Variants in PEX14 observed in about 807,000 individuals in gnomAD.
PEX14 encodes the protein peroxisomal biogenesis factor 14.
A neutral mutation model predicts 49.5 loss-of-function variants in PEX14; 15 were observed. That is an observed-to-expected ratio of 0.30 (90% confidence interval 0.20 to 0.47). The LOEUF is 0.47. Among genes scored for constraint, PEX14 ranks in the 20% least tolerant of loss-of-function variants. The pLI, the probability that PEX14 is intolerant of heterozygous loss-of-function variation, is 1.00. For missense variants in PEX14, 398 were observed against 494.8 expected (o/e 0.80, Z 1.86); for synonymous variants, 210 against 212.7 (o/e 0.99, Z 0.11).
At chr1:10,501,602 CT>C (rs891468826) in intron 2 of PEX14, among the ~76,000 whole-genome samples, 2 of 151,982 alleles carry the variant, frequency 1.3e-5, no homozygotes, top group South Asian at 2.1e-4. Flanking sequence ...CGCCCTGCCC[CT>C]ATTAGTTTAT....
intron 2 of PEX14, chr1:10,535,940 G>A: frequency 2.3e-6 from 1 of 437,888 alleles, no homozygotes; most frequent in Non-Finnish European, 4.3e-6. Flanking sequence ...CAGCTCGAAT[G>A]GAGATCAGGA....
intron 5 of PEX14, among the ~76,000 whole-genome samples, chr1:10,619,605 G>A (rs1489819551): frequency 4.0e-5 from 6 of 151,576 alleles, no homozygotes; most frequent in Middle Eastern, 3.2e-3. Context: ...TTGAGCCACC[G>A]TGCCCGGCTG....
intron 3 of PEX14, among the ~76,000 whole-genome samples, chr1:10,576,957 G>A (rs950381379): frequency 2.0e-5 from 3 of 151,730 alleles, no homozygotes; most frequent in Admixed American, 2.0e-4. Context: ...CACCAGGCTG[G>A]TCTTTAACCC....
chr1:10,617,494 C>T (rs1641459577), intron 4 of PEX14, among the ~76,000 whole-genome samples: 2 of 152,158 alleles, frequency 1.3e-5, no homozygotes, highest in South Asian at 4.2e-4. Flanking sequence ...CCAGCCCCCA[C>T]TGTACCTGCG....
chr1:10,627,397 G>A (rs773597682), intron 8 of PEX14, 34 bp downstream of exon 8: 10 of 1,468,830 alleles, frequency 6.8e-6, no homozygotes, highest in Non-Finnish European at 8.6e-6. Context: ...TGTTCTGGTC[G>A]GGCCTGGAAA....
intron 2 of PEX14, among the ~76,000 whole-genome samples, chr1:10,509,767 C>T (rs2124433582): frequency 6.6e-6 from 1 of 152,212 alleles, no homozygotes; most frequent in South Asian, 2.1e-4. Flanking sequence ...CCTGCACAAA[C>T]CTCATTTTAT....
At chr1:10,582,853 C>T (rs561033515) in intron 3 of PEX14, among the ~76,000 whole-genome samples, 1 of 152,218 alleles carries the variant, frequency 6.6e-6, no homozygotes, top group South Asian at 2.1e-4. Context: ...GCCACCCCAG[C>T]CTCCTGAGTA....
intron 3 of PEX14, among the ~76,000 whole-genome samples, chr1:10,578,819 A>G (rs1014511365): frequency 6.6e-6 from 1 of 152,180 alleles, no homozygotes; most frequent in Non-Finnish European, 1.5e-5. Flanking sequence ...CAGATTGGGC[A>G]TAACAGAAGG....
intron 3 of PEX14, among the ~76,000 whole-genome samples, chr1:10,562,257 A>G (rs1639672528): frequency 6.6e-6 from 1 of 152,022 alleles, no homozygotes; most frequent in Non-Finnish European, 1.5e-5. Flanking sequence ...CCCCCAACAC[A>G]TGTGTATGTA....
chr1:10,590,743 C>G (rs575911958), intron 3 of PEX14, among the ~76,000 whole-genome samples: 12 of 152,140 alleles, frequency 7.9e-5, no homozygotes, highest in Non-Finnish European at 1.8e-4. Flanking sequence ...TAGGTGGTGA[C>G]AAAGTAATTT....
intron 4 of PEX14, among the ~76,000 whole-genome samples, chr1:10,608,475 A>G (rs969339365): frequency 2.0e-5 from 3 of 152,270 alleles, no homozygotes; most frequent in African/African-American, 7.2e-5. Context: ...CAGCCTGGCC[A>G]ACATGGTGAA....
chr1:10,623,124 A>G lies in PEX14; in HGVS notation c.487+3A>G. The G allele has an allele frequency of 6.2e-7, 1 of 1,602,830 alleles. No homozygotes were observed. Among genetic ancestry groups the G allele is most frequent in the South Asian group, 1.1e-5 (1 of 90,422 alleles). On this transcript the variant is annotated splice_donor_region_variant and intron_variant, in intron 6 of 8. Coordinates refer to ENST00000356607, the MANE Select transcript of PEX14 (RefSeq NM_004565.3). The surrounding 1 kb of genome is among the most constrained non-coding windows in gnomAD (Gnocchi z 4.4). ...GAGTGGCAGCGTGGCCCAGACAGGTAAAGATTAATGACTCCATCAAGTCAC... is the reference window on the plus strand; with the variant it reads ...GAGTGGCAGCGTGGCCCAGACAGGTGAAGATTAATGACTCCATCAAGTCAC...
chr1:10,496,203 G>A (rs1231149329), intron 2 of PEX14, among the ~76,000 whole-genome samples: 1 of 152,182 alleles, frequency 6.6e-6, no homozygotes, highest in Non-Finnish European at 1.5e-5. Flanking sequence ...GGCTGAGGGC[G>A]AGTTGGATCC....
chr1:10,625,031 A>G (rs1466948848), intron 7 of PEX14, among the ~76,000 whole-genome samples: 1 of 152,162 alleles, frequency 6.6e-6, no homozygotes, highest in African/African-American at 2.4e-5. Context: ...ATCAGGCTGA[A>G]TCCTGGTCCT....
intron 2 of PEX14, among the ~76,000 whole-genome samples, chr1:10,501,601 C>T (rs1570161485): frequency 6.6e-6 from 1 of 151,962 alleles, no homozygotes; most frequent in Admixed American, 6.5e-5. Context: ...GCGCCCTGCC[C>T]CTATTAGTTT....
chr1:10,583,667 T>TAAGTC (rs55964771), intron 3 of PEX14, among the ~76,000 whole-genome samples: 132,696 of 151,788 alleles, frequency 0.87, 58,424 homozygotes, highest in Middle Eastern at 0.95. Context: ...AATATAAACA[T>TAAGTC]GAGTAAGAGC....
intron 2 of PEX14, among the ~76,000 whole-genome samples, chr1:10,504,336 A>G (rs1258849494): frequency 6.6e-6 from 1 of 152,214 alleles, no homozygotes; most frequent in East Asian, 1.9e-4. Flanking sequence ...ACACTGAGTG[A>G]TTCTTGAAGT....
intron 1 of PEX14, among the ~76,000 whole-genome samples, chr1:10,488,093 T>A (rs1303312502): frequency 1.3e-5 from 2 of 152,188 alleles, no homozygotes; most frequent in East Asian, 1.9e-4. Flanking sequence ...TTACTTTTTT[T>A]ATTTACATAT....
At chr1:10,487,760 G>A (rs1641397180) in intron 1 of PEX14, among the ~76,000 whole-genome samples, 1 of 151,842 alleles carries the variant, frequency 6.6e-6, no homozygotes, top group African/African-American at 2.4e-5. Flanking sequence ...TGGGATTATA[G>A]GCATGAGCCA....
Sources: allele counts gnomAD v4.1 joint callset (sites outside exome capture counted in the v4.1 genomes callset), GRCh38; gene constraint gnomAD v4.1.1; non-coding constraint Gnocchi (gnomAD v3.1); transcripts MANE v1.5; gene names NCBI Gene and HGNC (gene_info 2026-07-23, HGNC 2026-07-21).